ADARB2: variants seen among roughly 807,000 people sequenced by gnomAD.
ADARB2 encodes adenosine deaminase RNA specific B2 (inactive).
In ADARB2, 25 loss-of-function variants were observed where a neutral mutation model predicts 62.2. That is an observed-to-expected ratio of 0.40 (90% CI 0.29 to 0.56). The LOEUF (loss-of-function observed/expected upper bound fraction) is 0.56. Ranked by LOEUF, ADARB2 falls within the 20% of genes least tolerant of loss-of-function variation. The probability of loss-of-function intolerance (pLI) is 0.43; values close to 1 mark genes in which losing one functional copy is unlikely to be tolerated. For missense variants in ADARB2, 1,071 were observed against 1,077.4 expected, an observed-to-expected ratio of 0.99 and a Z score of 0.08; for synonymous variants, 572 against 500.8, an observed-to-expected ratio of 1.14 and a Z score of -1.90.
At chr10:1,438,516 T>A (rs997771902) in intron 1 of ADARB2, among the ~76,000 whole-genome samples, 5 of 126,122 alleles carry the variant, frequency 4.0e-5, no homozygotes, top group South Asian at 2.7e-4. Context: ...CAGAGGCAGG[T>A]CCTTCATGAT....
chr10:1,711,041 G>A (rs1834943961), intron 1 of ADARB2, among the ~76,000 whole-genome samples: 1 of 152,126 alleles, frequency 6.6e-6, no homozygotes, highest in Admixed American at 6.5e-5. Context: ...CCAGTGACGT[G>A]TGTTACTCTG....
At chr10:1,344,129 A>C (rs1209420021) in intron 3 of ADARB2, among the ~76,000 whole-genome samples, 1 of 152,196 alleles carries the variant, frequency 6.6e-6, no homozygotes, top group Non-Finnish European at 1.5e-5. Flanking sequence ...GTCCTCACCC[A>C]AGCCACCTGC....
intron 3 of ADARB2, among the ~76,000 whole-genome samples, chr10:1,312,277 T>C (rs1358876722): frequency 6.6e-6 from 1 of 152,084 alleles, no homozygotes; most frequent in Admixed American, 6.5e-5. Flanking sequence ...GTGTGGGGGA[T>C]GCACTTTCTG....
intron 8 of ADARB2, among the ~76,000 whole-genome samples, chr10:1,189,332 T>G (rs1836805984): frequency 6.6e-6 from 1 of 152,066 alleles, no homozygotes; most frequent in Admixed American, 6.5e-5. Context: ...TCCAGTTGCT[T>G]GCTCATGGTG....
chr10:1,529,414 G>T (rs1377652699), intron 1 of ADARB2, among the ~76,000 whole-genome samples: 4 of 152,114 alleles, frequency 2.6e-5, no homozygotes, highest in Non-Finnish European at 5.9e-5. Flanking sequence ...GAAGATTAGG[G>T]AAGGCGAGGA....
At chr10:1,613,188 A>G (rs1833592352) in intron 1 of ADARB2, among the ~76,000 whole-genome samples, 1 of 152,236 alleles carries the variant, frequency 6.6e-6, no homozygotes, top group Non-Finnish European at 1.5e-5. Flanking sequence ...ATGTACAAAG[A>G]AAGGCGTTTA....
intron 1 of ADARB2, among the ~76,000 whole-genome samples, chr10:1,568,912 G>A (rs10508212): frequency 0.042 from 6,430 of 152,174 alleles, 444 homozygotes; most frequent in African/African-American, 0.15. Context: ...GGCTAGTTCA[G>A]TTCCCCAAGT....
At chr10:1,217,688 A>G (rs1331352148) in intron 6 of ADARB2, among the ~76,000 whole-genome samples, 1 of 152,208 alleles carries the variant, frequency 6.6e-6, no homozygotes, top group Non-Finnish European at 1.5e-5. Flanking sequence ...AGTGTCTCAA[A>G]GTCACTGTGA....
chr10:1,644,921 G>A (rs78853410), intron 1 of ADARB2, among the ~76,000 whole-genome samples: 2,462 of 152,272 alleles, frequency 0.016, 66 homozygotes, highest in African/African-American at 0.052. Flanking sequence ...ACTAATTTTC[G>A]CAAGCAGTTT....
At chr10:1,366,740 C>T (rs1236986848) in intron 2 of ADARB2, among the ~76,000 whole-genome samples, 1 of 152,196 alleles carries the variant, frequency 6.6e-6, no homozygotes, top group Non-Finnish European at 1.5e-5. Context: ...CTTTTCTGGG[C>T]CCTCTGGAAG....
intron 6 of ADARB2, among the ~76,000 whole-genome samples, chr10:1,220,691 C>T (rs992074529): frequency 8.5e-5 from 13 of 152,164 alleles, no homozygotes; most frequent in African/African-American, 3.1e-4. Flanking sequence ...TTCTTATATT[C>T]TCCCAACGTT....
chr10:1,655,454 G>A (rs749506575), intron 1 of ADARB2, among the ~76,000 whole-genome samples: 2 of 152,164 alleles, frequency 1.3e-5, no homozygotes, highest in Non-Finnish European at 2.9e-5. Flanking sequence ...TCCATCAGAG[G>A]TAAAAACTGC....
intron 1 of ADARB2, among the ~76,000 whole-genome samples, chr10:1,515,869 T>G (rs1832002394): frequency 6.6e-6 from 1 of 152,250 alleles, no homozygotes; most frequent in Non-Finnish European, 1.5e-5. Context: ...TGATTCTTCT[T>G]TGTGAGATTT....
intron 7 of ADARB2, among the ~76,000 whole-genome samples, chr10:1,202,821 T>C (rs181000130): frequency 6.6e-6 from 1 of 152,330 alleles, no homozygotes; most frequent in Admixed American, 6.5e-5. Context: ...TTGGGATTCC[T>C]GGAAGAGACG....
chr10:1,351,277 G>A (rs1189381965), intron 3 of ADARB2, among the ~76,000 whole-genome samples: 1 of 152,138 alleles, frequency 6.6e-6, no homozygotes, highest in African/African-American at 2.4e-5. Context: ...TGAGCTTCGG[G>A]TAACTCACAG....
chr10:1,342,348 G>A (rs1364426657), intron 3 of ADARB2, among the ~76,000 whole-genome samples: 1 of 152,164 alleles, frequency 6.6e-6, no homozygotes, highest in South Asian at 2.1e-4. Flanking sequence ...CACCAACAGG[G>A]CCTTGACTCT....
intron 1 of ADARB2, among the ~76,000 whole-genome samples, chr10:1,673,584 A>T (rs761978100): frequency 6.6e-6 from 1 of 152,264 alleles, no homozygotes; most frequent in Non-Finnish European, 1.5e-5. Flanking sequence ...CGTGGGAGAC[A>T]CTTGATTATT....
intron 1 of ADARB2, among the ~76,000 whole-genome samples, chr10:1,381,285 T>G (rs2131861090): frequency 6.6e-6 from 1 of 152,364 alleles, no homozygotes; most frequent in East Asian, 1.9e-4. Flanking sequence ...GAAGATGTAC[T>G]AATGTCAATA....
chr10:1,373,985 A>ACCTTTCCTAGTGAAACCGCGTGGG lies in ADARB2; in HGVS notation c.187+5088_187+5089insCCCACGCGGTTTCACTAGGAAAGG, dbSNP rs1832399898. The stretch of plus-strand genomic sequence containing the variant: ...CACCTTTCCTAGTGAAACCGCGTGG[A>ACCTTTCCTAGTGAAACCGCGTGGG]CTCCGTGCACCTTTCCTAGTGAAAC... On this transcript the variant is annotated intron_variant, in intron 2 of 9. Transcript: ENST00000381312. Among the ~76,000 whole-genome samples, 5 of 98,874 alleles carry ACCTTTCCTAGTGAAACCGCGTGGG rather than the reference A, an allele frequency of 5.1e-5. 1 individual carries two copies. The highest frequency in any genetic ancestry group is 4.2e-5 in the Non-Finnish European group (2 of 47,522). 64.9% of individuals were successfully genotyped at this position (98,874 alleles called of 152,430 possible).
Sources: allele counts gnomAD v4.1 joint callset (sites outside exome capture counted in the v4.1 genomes callset), GRCh38; gene constraint gnomAD v4.1.1; transcripts MANE v1.5; gene names NCBI Gene and HGNC (gene_info 2026-07-23, HGNC 2026-07-21).